Variants in USH2A observed in about 807,000 individuals in gnomAD.
USH2A encodes usherin.
USH2A carries 443 observed loss-of-function variants against 538.9 expected under a neutral mutation model. That is an observed-to-expected ratio of 0.82 (90% CI 0.76 to 0.89). The LOEUF is 0.89. Among genes scored for constraint, USH2A ranks in the 40% least tolerant of loss-of-function variants. The probability of loss-of-function intolerance (pLI) is 0.00; values close to 1 mark genes in which losing one functional copy is unlikely to be tolerated. For synonymous variants in USH2A, 2,413 were observed against 2,273.5 expected, an observed-to-expected ratio of 1.06 and a Z score of -1.75; for missense variants, 6,633 against 6,324.8, an observed-to-expected ratio of 1.05 and a Z score of -1.65.
chr1:216,274,801 C>T (rs954776517), intron 11 of USH2A, among the ~76,000 whole-genome samples: 2 of 152,090 alleles, frequency 1.3e-5, no homozygotes, highest in Non-Finnish European at 2.9e-5. Context: ...TTCCAGTCTA[C>T]AATGCCTGTC....
intron 70 of USH2A, among the ~76,000 whole-genome samples, chr1:215,632,752 C>A (rs1656324526): frequency 6.6e-6 from 1 of 152,176 alleles, no homozygotes. Flanking sequence ...TGCCTTCCTC[C>A]AGCAGCAGTG....
At chr1:215,789,990 T>C in intron 51 of USH2A, 69 bp downstream of exon 51, 1 of 1,462,074 alleles carries the variant, frequency 6.8e-7, no homozygotes. Context: ...TTTAGAAAAA[T>C]AGTTATGAAC....
intron 38 of USH2A, among the ~76,000 whole-genome samples, chr1:215,931,359 C>G (rs1488846668): frequency 6.6e-6 from 1 of 151,916 alleles, no homozygotes; most frequent in Non-Finnish European, 1.5e-5. Context: ...TGGAGTATGA[C>G]CCTTTCACCT....
intron 30 of USH2A, among the ~76,000 whole-genome samples, chr1:216,067,917 A>G (rs2031433037): frequency 6.6e-6 from 1 of 152,186 alleles, no homozygotes; most frequent in Non-Finnish European, 1.5e-5. Context: ...GGAGCAAGCC[A>G]GAAAAAAATG....
At chr1:216,013,194 T>A (rs4501816) in intron 32 of USH2A, among the ~76,000 whole-genome samples, 70,584 of 151,366 alleles carry the variant, frequency 0.47, 16,934 homozygotes, top group East Asian at 0.7. Context: ...TTTTAATTCA[T>A]ACAAAACTGT....
Position 215,648,756 on chromosome 1 carries a change from C to T in USH2A, c.14354G>A (p.Gly4785Asp), listed in dbSNP as rs1326338026. 1.2e-6 allele frequency: 2 copies of T among 1,613,846 alleles called. No individual in the cohort carries two copies. Among genetic ancestry groups the T allele is most frequent in the South Asian group, 1.1e-5 (1 of 91,068 alleles). Residue 4785 changes from glycine to aspartate, a missense_variant, in exon 66 of 72, where the codon GGC becomes GAC. Gly to Asp is a moderately conservative substitution (Grantham distance 94). Coordinates refer to ENST00000307340, the MANE Select transcript of USH2A (RefSeq NM_206933.4). Reference protein sequence around the residue: ...AHGAETVLSEGMATQQTLHGL... With the variant: ...AHGAETVLSEDMATQQTLHGL... ...ATGGAGAGTCTGCTGGGTGGCCATG[C>T]CTTCGGATAGCTGTGGAAGGAAGGA...
In USH2A at chr1:215,790,268, C is replaced by A; in HGVS notation, c.9973G>T (p.Gly3325Trp). 1 of 1,613,818 alleles carries A rather than the reference C, an allele frequency of 6.2e-7. No individual in the cohort carries two copies. The highest frequency in any genetic ancestry group is 8.5e-7 in the Non-Finnish European group (1 of 1,179,976). Reference sequence around the variant, plus strand: ...TCTGACATATTCACATAATCCTGCCCACAACAGAACATACCTGCAACAATA... The same window carrying A: ...TCTGACATATTCACATAATCCTGCCAACAACAGAACATACCTGCAACAATA... ...YNRLPGMFCC[G>W]QDYVNMSDTI... The change falls in exon 51 of 72, where the codon GGG becomes TGG. Residue 3325 changes from glycine (G) to tryptophan (W), a missense_variant. Physicochemically the swap from Gly to Trp is radical, Grantham distance 184. Transcript: ENST00000307340.
chr1:216,057,684 C>G (rs1236852386), intron 30 of USH2A, among the ~76,000 whole-genome samples: 1 of 151,642 alleles, frequency 6.6e-6, no homozygotes, highest in Non-Finnish European at 1.5e-5. Flanking sequence ...AAGATTCCAT[C>G]TCAAATTAAA....
chr1:216,422,386 T>A lies in USH2A; in HGVS notation c.-50A>T. The A allele has an allele frequency of 1.2e-6, 2 of 1,611,586 alleles. No homozygotes were observed. The highest frequency in any genetic ancestry group is 1.7e-6 in the Non-Finnish European group (2 of 1,179,208). ...TGATAAAGCATTTCTAAATAAATAA[T>A]CAGGCCCACGCCACTTGCCAGCAAT... is the stretch of plus-strand genomic sequence containing the variant. On this transcript the variant is annotated 5_prime_UTR_variant, in exon 2 of 72. Coordinates refer to ENST00000307340, the MANE Select transcript of USH2A (RefSeq NM_206933.4).
intron 61 of USH2A, among the ~76,000 whole-genome samples, chr1:215,688,125 A>G (rs1658493542): frequency 1.3e-5 from 2 of 152,102 alleles, no homozygotes; most frequent in Non-Finnish European, 2.9e-5. Flanking sequence ...AGGTCCTTGA[A>G]GAAGTTACAT....
At chr1:215,850,233 A>G (rs1308683922) in intron 44 of USH2A, among the ~76,000 whole-genome samples, 1 of 152,154 alleles carries the variant, frequency 6.6e-6, no homozygotes, top group Non-Finnish European at 1.5e-5. Context: ...TCTTTATTAC[A>G]TATAAAATAG....
intron 21 of USH2A, among the ~76,000 whole-genome samples, chr1:216,101,597 T>C (rs985678792): frequency 1.3e-5 from 2 of 152,354 alleles, no homozygotes; most frequent in South Asian, 2.1e-4. Context: ...AGCCCAGCAG[T>C]GCCAAAATAT....
intron 50 of USH2A, among the ~76,000 whole-genome samples, chr1:215,791,952 C>A (rs1227654722): frequency 6.6e-6 from 1 of 152,144 alleles, no homozygotes; most frequent in Non-Finnish European, 1.5e-5. Flanking sequence ...ATTGTTCGGG[C>A]ATTTTTCTGC....
At chr1:216,310,356 A>T (rs762690119) in intron 9 of USH2A, among the ~76,000 whole-genome samples, 2 of 152,100 alleles carry the variant, frequency 1.3e-5, no homozygotes, top group Non-Finnish European at 2.9e-5. Flanking sequence ...CTTATAATAT[A>T]CATTTATAAC....
chr1:215,996,985 T>C (rs1044532524), intron 34 of USH2A, among the ~76,000 whole-genome samples: 3 of 152,140 alleles, frequency 2.0e-5, no homozygotes, highest in African/African-American at 7.2e-5. Flanking sequence ...TTAGTCGACA[T>C]GCTAAAATGA....
intron 61 of USH2A, among the ~76,000 whole-genome samples, chr1:215,682,136 T>C (rs1658253678): frequency 6.6e-6 from 1 of 152,146 alleles, no homozygotes; most frequent in South Asian, 2.1e-4. Flanking sequence ...TCTGTGGAAA[T>C]AGGGCAAACA....
chr1:216,231,839 CACCAAGCCGGGCAAAAAAAAT>C, intron 14 of USH2A, 93 bp downstream of exon 14: 1 of 1,319,674 alleles, frequency 7.6e-7, no homozygotes, highest in South Asian at 1.2e-5. Flanking sequence ...AGGTGTGAGC[CACCAAGCCGGGCAAAAAAAAT>C]ACTTTTTACA....
chr1:215,629,393 A>G (rs1045459244), intron 70 of USH2A, among the ~76,000 whole-genome samples: 1 of 152,132 alleles, frequency 6.6e-6, no homozygotes, highest in Non-Finnish European at 1.5e-5. Context: ...ATGATGGGTG[A>G]ACAAGGTATC....
chr1:216,054,605 AG>A (rs1161890670), intron 30 of USH2A, among the ~76,000 whole-genome samples: 1 of 152,156 alleles, frequency 6.6e-6, no homozygotes, highest in African/African-American at 2.4e-5. Flanking sequence ...AGCATATTTC[AG>A]AGAAGAAAAA....
Sources: gnomAD v4.1 joint callset for allele counts (sites outside exome capture counted in the v4.1 genomes callset) on GRCh38, gnomAD v4.1.1 for gene constraint, MANE v1.5 for transcripts, NCBI Gene and HGNC (gene_info 2026-07-23, HGNC 2026-07-21) for gene names.